The following DGKB variants were observed in gnomAD, a reference collection of about 807,000 sequenced individuals.
DGKB encodes the protein diacylglycerol kinase beta.
Under a neutral mutation model 114.3 loss-of-function variants are expected in DGKB, and 67 were observed. The observed-to-expected ratio is 0.59, with a 90% confidence interval of 0.48 to 0.72. The LOEUF (loss-of-function observed/expected upper bound fraction) is 0.72. Among genes scored for constraint, DGKB ranks in the 30% least tolerant of loss-of-function variants. The pLI is 0.00. For synonymous variants in DGKB, 398 were observed against 323.1 expected, an observed-to-expected ratio of 1.23 and a Z score of -2.49; for missense variants, 907 against 975.2, an observed-to-expected ratio of 0.93 and a Z score of 0.93.
chr7:14,338,729 G>T lies in DGKB; in HGVS notation c.1927-19C>A. The T allele has an allele frequency of 7.4e-7, 1 of 1,359,132 alleles. No homozygotes were observed. The highest frequency in any genetic ancestry group is 9.7e-7 in the Non-Finnish European group (1 of 1,026,938). The allele number at this position is 1,359,132 out of a possible 1,614,324, so 84.2% of individuals were successfully genotyped here. ...CATCACACTGATCGGTAAAAAGAAA[G>T]AAACAGAAACGGAATATTTTATCTT... On this transcript the variant is annotated intron_variant, in intron 22 of 25. Transcript: ENST00000402815.
At chr7:14,484,147 G>C (rs1783412088) in intron 20 of DGKB, among the ~76,000 whole-genome samples, 1 of 151,584 alleles carries the variant, frequency 6.6e-6, no homozygotes, top group Non-Finnish European at 1.5e-5. Flanking sequence ...TTAACACACA[G>C]TTTAGAATCT....
chr7:14,327,564 A>G (rs2128551043), intron 23 of DGKB, among the ~76,000 whole-genome samples: 1 of 152,282 alleles, frequency 6.6e-6, no homozygotes, highest in African/African-American at 2.4e-5. Flanking sequence ...TTCATTGCAT[A>G]TCTCTGAGAG....
At chr7:14,555,481 C>G (rs1003926799) in intron 20 of DGKB, among the ~76,000 whole-genome samples, 1 of 152,116 alleles carries the variant, frequency 6.6e-6, no homozygotes, top group Non-Finnish European at 1.5e-5. Context: ...TCAGAATTCT[C>G]AGAATCAAGG....
At chr7:14,452,265 CAAT>C (rs1259011573) in intron 21 of DGKB, among the ~76,000 whole-genome samples, 1 of 151,868 alleles carries the variant, frequency 6.6e-6, no homozygotes, top group African/African-American at 2.4e-5. Flanking sequence ...ATTACTGAAG[CAAT>C]AATAATACGG....
intron 1 of DGKB, among the ~76,000 whole-genome samples, chr7:14,844,162 G>A (rs1308751690): frequency 6.6e-6 from 1 of 152,200 alleles, no homozygotes; most frequent in African/African-American, 2.4e-5. Flanking sequence ...TGTTGGTGAA[G>A]CATATAGAAA....
intron 13 of DGKB, among the ~76,000 whole-genome samples, chr7:14,656,832 C>T (rs1249478014): frequency 6.6e-6 from 1 of 150,986 alleles, no homozygotes; most frequent in Non-Finnish European, 1.5e-5. Context: ...TTTAAGTATA[C>T]AACTCTACCT....
chr7:14,347,396 A>T lies in DGKB; in HGVS notation c.1836-2005T>A, dbSNP rs75030133. 7.8e-3 allele frequency among the ~76,000 whole-genome samples: 1,184 copies of T among 152,152 alleles called. 18 individuals are homozygous for T. Among genetic ancestry groups the T allele is most frequent in the African/African-American group, 0.027 (1,121 of 41,546 alleles). On this transcript the variant is annotated intron_variant, in intron 21 of 25. Coordinates refer to ENST00000402815, the MANE Select transcript of DGKB (RefSeq NM_001350709.2). ...AAACAGTACTAAGTTTCCTCAAAAA[A>T]TTAAAAAATAGAACAACCATGTGAT...
chr7:14,410,529 C>A (rs1824691928), intron 21 of DGKB, among the ~76,000 whole-genome samples: 1 of 152,008 alleles, frequency 6.6e-6, no homozygotes, highest in South Asian at 2.1e-4. Context: ...AATTATTTAA[C>A]ATTTATCCAT....
chr7:14,733,656 C>A (rs767618371), intron 5 of DGKB, among the ~76,000 whole-genome samples: 1 of 151,628 alleles, frequency 6.6e-6, no homozygotes, highest in African/African-American at 2.4e-5. Context: ...CCACTGCACT[C>A]AAGCCTGAGA....
chr7:14,564,439 C>T lies in DGKB; in HGVS notation c.1770+9773G>A, dbSNP rs1797100998. 2.0e-5 allele frequency among the ~76,000 whole-genome samples: 3 copies of T among 152,042 alleles called. No homozygotes were observed. The South Asian group carries it at 6.2e-4, about 32-fold the overall frequency. On this transcript the variant is annotated intron_variant, in intron 20 of 25. Transcript: ENST00000402815. ...TTAAATGAGTCTGGTTTTGCATTAT[C>T]CCAGGGTACAGTAGCATTTCAAAGA... is the stretch of plus-strand genomic sequence containing the variant.
At chr7:14,208,321 T>A (rs1272802550) in intron 23 of DGKB, among the ~76,000 whole-genome samples, 1 of 151,912 alleles carries the variant, frequency 6.6e-6, no homozygotes, top group East Asian at 1.9e-4. Flanking sequence ...AGTATTCGGG[T>A]TTTTAAACTG....
At chr7:14,869,418 T>C (rs1852143684) in intron 1 of DGKB, among the ~76,000 whole-genome samples, 1 of 152,184 alleles carries the variant, frequency 6.6e-6, no homozygotes, top group Non-Finnish European at 1.5e-5. Context: ...CCTGACACAT[T>C]GTATTACAAC....
At chr7:14,233,691 G>A (rs1010176179) in intron 23 of DGKB, among the ~76,000 whole-genome samples, 6 of 152,014 alleles carry the variant, frequency 3.9e-5, no homozygotes, top group African/African-American at 1.4e-4. Flanking sequence ...GGGAGAAAGG[G>A]CGGACAGGTA....
chr7:14,878,617 C>T (rs1456250113), intron 1 of DGKB, among the ~76,000 whole-genome samples: 3 of 151,634 alleles, frequency 2.0e-5, no homozygotes, highest in Admixed American at 6.6e-5. Context: ...GGCGTAGTGG[C>T]GGGCGCCTGT....
intron 23 of DGKB, among the ~76,000 whole-genome samples, chr7:14,314,048 C>A (rs1267121783): frequency 6.6e-6 from 1 of 152,116 alleles, no homozygotes; most frequent in Non-Finnish European, 1.5e-5. Context: ...GCAGGGTACT[C>A]CAACAGACCT....
chr7:14,483,132 C>A (rs1056181395), intron 20 of DGKB, among the ~76,000 whole-genome samples: 6 of 149,558 alleles, frequency 4.0e-5, no homozygotes, highest in Non-Finnish European at 7.4e-5. Context: ...TGGTGCCCCC[C>A]AAAAAGATAT....
At chr7:14,261,366 A>AT (rs1769049941) in intron 23 of DGKB, among the ~76,000 whole-genome samples, 2 of 152,076 alleles carry the variant, frequency 1.3e-5, no homozygotes, top group South Asian at 4.1e-4. Context: ...GCCTCTTCAT[A>AT]TTTTTATGCA....
chr7:14,285,006 TATA>T (rs1425879026), intron 23 of DGKB, among the ~76,000 whole-genome samples: 1 of 138,452 alleles, frequency 7.2e-6, no homozygotes, highest in Non-Finnish European at 1.6e-5. Context: ...AAACTTAAAG[TATA>T]ATAATAAAAA....
At chr7:14,805,648 G>C (rs1011196097) in intron 2 of DGKB, among the ~76,000 whole-genome samples, 3 of 151,854 alleles carry the variant, frequency 2.0e-5, no homozygotes, top group African/African-American at 7.2e-5. Context: ...CCATGGAGAA[G>C]TCTATCTTAA....
Sources: gnomAD v4.1 joint callset for allele counts (sites outside exome capture counted in the v4.1 genomes callset) on GRCh38, gnomAD v4.1.1 for gene constraint, MANE v1.5 for transcripts, NCBI Gene and HGNC (gene_info 2026-07-23, HGNC 2026-07-21) for gene names.